Variants in ADGRA1 observed in about 807,000 individuals in gnomAD.
The protein encoded by ADGRA1 is adhesion G protein-coupled receptor A1, also known as G-protein coupled receptor 123.
ADGRA1 carries 12 observed loss-of-function variants against 21.3 expected under a neutral mutation model. The ratio of observed to expected loss-of-function variants is 0.56; its 90% CI spans 0.36 to 0.91. The LOEUF is 0.91. ADGRA1 is among the 40% of genes least tolerant of loss of function. The pLI is 0.01. For missense variants in ADGRA1, 790 were observed against 805.6 expected (o/e 0.98, Z 0.23); for synonymous variants, 385 against 368.8 (o/e 1.04, Z -0.50).
intron 5 of ADGRA1, among the ~76,000 whole-genome samples, chr10:133,111,300 C>CACAGG (rs1390771906): frequency 3.2e-5 from 2 of 62,180 alleles, no homozygotes; most frequent in East Asian, 6.2e-4. Flanking sequence ...ACCTGCCCCC[C>CACAGG]CGGGAACCAT....
At chr10:133,115,909 G>C (rs1188124470) in intron 5 of ADGRA1, among the ~76,000 whole-genome samples, 1 of 152,066 alleles carries the variant, frequency 6.6e-6, no homozygotes, top group African/African-American at 2.4e-5. Flanking sequence ...CCCCAGGGGA[G>C]AGCTGGCGCT....
intron 5 of ADGRA1, among the ~76,000 whole-genome samples, chr10:133,117,535 C>A (rs1852182307): frequency 6.6e-6 from 1 of 152,230 alleles, no homozygotes; most frequent in African/African-American, 2.4e-5. Flanking sequence ...CAGGATCAGG[C>A]CCTCACTAGC....
chr10:133,098,284 T>C (rs572898059), intron 3 of ADGRA1, among the ~76,000 whole-genome samples: 1 of 152,266 alleles, frequency 6.6e-6, no homozygotes, highest in African/African-American at 2.4e-5. Context: ...GGACACCCCA[T>C]GCTGGGACCC....
rs1276674660 is a variant in ADGRA1, at chr10:133,130,184, C to A, written c.*673C>A. Reference sequence around the variant, plus strand: ...CTGTCAGCCCTGTCCTTGTCGTAGCCCCAGCCCTGCAGGGCTGAGAGCACC... The same window carrying A: ...CTGTCAGCCCTGTCCTTGTCGTAGCACCAGCCCTGCAGGGCTGAGAGCACC... On this transcript the variant is annotated 3_prime_UTR_variant, in exon 7 of 7. Transcript: ENST00000392607. 8 of 152,362 alleles carry A rather than the reference C, an allele frequency of 5.3e-5. No homozygotes were observed. Among genetic ancestry groups the A allele is most frequent in the Non-Finnish European group, 8.8e-5 (6 of 68,160 alleles). 9.4% of individuals were successfully genotyped at this position (152,362 alleles called of 1,614,324 possible).
At chr10:133,098,305 G>T (rs1851724779) in intron 3 of ADGRA1, among the ~76,000 whole-genome samples, 1 of 152,250 alleles carries the variant, frequency 6.6e-6, no homozygotes, top group Non-Finnish European at 1.5e-5. Context: ...AGGGGGTGCG[G>T]CCTCTATCTC....
rs373118178 is a variant in ADGRA1, at chr10:133,111,927, C to T, written c.401+9085C>T. 3.3e-3 allele frequency among the ~76,000 whole-genome samples: 139 copies of T among 41,682 alleles called. 16 individuals carry two copies. The highest frequency in any genetic ancestry group is 0.018 in the East Asian group (8 of 454). 27.3% of individuals were successfully genotyped at this position (41,682 alleles called of 152,430 possible). On this transcript the variant is annotated intron_variant, in intron 5 of 6. Coordinates refer to ENST00000392607, the MANE Select transcript of ADGRA1 (RefSeq NM_001083909.3). ...TCCTAATGCCTCCAGACCACCTGCCCGCCGTGAGCACCTCCCTCCTAATCC... is the reference window on the plus strand; with the variant it reads ...TCCTAATGCCTCCAGACCACCTGCCTGCCGTGAGCACCTCCCTCCTAATCC...
At position 133,102,763 on chromosome 10, in the gene ADGRA1, A is replaced by T. The variant is rs1298187210; in HGVS notation, c.322A>T (p.Ile108Phe). 6.2e-7 allele frequency: 1 copy of T among 1,612,864 alleles called. No individual in the cohort carries two copies. ...GTGGATAGGAGTGACCGCCAGGAAC[A>T]TCTACAAGCAGGTGACCAAGAAGGC... ...MLWIGVTARN[I>F]YKQVTKKAPL... Residue 108 changes from isoleucine (I) to phenylalanine (F), a missense_variant, in exon 5 of 7, where the codon ATC (isoleucine) becomes TTC (phenylalanine). Ile to Phe is a conservative substitution (Grantham distance 21). This residue lies in a region of ADGRA1 where 382 missense variants were observed against 415.6 expected (regional missense o/e 0.92). Coordinates refer to ENST00000392607, the MANE Select transcript of ADGRA1 (RefSeq NM_001083909.3).
chr10:133,088,684 C>G (rs1851545851), intron 1 of ADGRA1, 24 bp from the exon 2 acceptor site: 1 of 1,222,124 alleles, frequency 8.2e-7, no homozygotes, highest in Non-Finnish European at 1.0e-6. Context: ...CCGCCCGCCC[C>G]GCTGACCGCC....
chr10:133,103,248 C>G (rs1330003094), intron 5 of ADGRA1, among the ~76,000 whole-genome samples: 1 of 152,180 alleles, frequency 6.6e-6, no homozygotes, highest in African/African-American at 2.4e-5. Flanking sequence ...GTGAGACCCT[C>G]TATGCCCCGC....
chr10:133,102,653 G>T (rs1441404443), intron 4 of ADGRA1, 44 bp from the exon 5 acceptor site: 2 of 1,577,660 alleles, frequency 1.3e-6, no homozygotes, highest in Admixed American at 1.7e-5. Context: ...GCTCTGGGGG[G>T]TGGGTGCCCG....
chr10:133,127,912 C>A lies in ADGRA1; in HGVS notation c.501-417C>A, dbSNP rs9419121. On this transcript the variant is annotated intron_variant, in intron 6 of 6. Coordinates refer to ENST00000392607, the MANE Select transcript of ADGRA1 (RefSeq NM_001083909.3). Reference sequence around the variant, plus strand: ...GCCCACCCCACGCTGGCCACGCCCACCAGGCTCCACCCTCTGCCTGGCCCC... The same window carrying A: ...GCCCACCCCACGCTGGCCACGCCCAACAGGCTCCACCCTCTGCCTGGCCCC... Among the ~76,000 whole-genome samples the A allele has an allele frequency of 7.8e-3, 916 of 117,488 alleles. 62 individuals are homozygous for A. The highest frequency in any genetic ancestry group is 0.03 in the African/African-American group (842 of 27,972). The allele number at this position is 117,488 out of a possible 152,430, so 77.1% of individuals were successfully genotyped here.
At chr10:133,121,891 C>T (rs940444760) in intron 5 of ADGRA1, among the ~76,000 whole-genome samples, 10 of 138,114 alleles carry the variant, frequency 7.2e-5, no homozygotes, top group African/African-American at 2.2e-4. Flanking sequence ...TGCCAGTGTG[C>T]GTGCGTGCAA....
chr10:133,124,698 C>T (rs561724542), intron 5 of ADGRA1, among the ~76,000 whole-genome samples: 1 of 152,366 alleles, frequency 6.6e-6, no homozygotes, highest in East Asian at 1.9e-4. Flanking sequence ...GGCTTGGAGC[C>T]ATAGGAGAGG....
chr10:133,106,667 G>T (rs567378015), intron 5 of ADGRA1, among the ~76,000 whole-genome samples: 1 of 152,276 alleles, frequency 6.6e-6, no homozygotes, highest in Non-Finnish European at 1.5e-5. Flanking sequence ...TCGGGGGTAC[G>T]GCAGCAGACA....
At chr10:133,106,792 C>T (rs781125461) in intron 5 of ADGRA1, among the ~76,000 whole-genome samples, 4 of 152,362 alleles carry the variant, frequency 2.6e-5, no homozygotes, top group African/African-American at 7.2e-5. Context: ...ACAGATAAAG[C>T]GGAAGGTCAT....
intron 5 of ADGRA1, among the ~76,000 whole-genome samples, chr10:133,126,966 C>T (rs1040906642): frequency 2.6e-5 from 4 of 152,166 alleles, no homozygotes; most frequent in Non-Finnish European, 5.9e-5. Flanking sequence ...AGTCCGCAGC[C>T]AACGGAGCTC....
chr10:133,118,087 A>G (rs966466375), intron 5 of ADGRA1, among the ~76,000 whole-genome samples: 1 of 152,170 alleles, frequency 6.6e-6, no homozygotes. Flanking sequence ...ACCGTCCCCA[A>G]TCAGCACTGG....
chr10:133,116,844 A>G (rs1274412431), intron 5 of ADGRA1, among the ~76,000 whole-genome samples: 1 of 152,154 alleles, frequency 6.6e-6, no homozygotes, highest in Non-Finnish European at 1.5e-5. Context: ...CGCCTCGAGC[A>G]GAGACTCCTC....
At chr10:133,106,386 C>T (rs78838896) in intron 5 of ADGRA1, among the ~76,000 whole-genome samples, 1 of 152,360 alleles carries the variant, frequency 6.6e-6, no homozygotes, top group Admixed American at 6.5e-5. Context: ...TCCTGGGAAC[C>T]CTTAGAGACC....
Sources: allele counts gnomAD v4.1 joint callset (sites outside exome capture counted in the v4.1 genomes callset), GRCh38; gene constraint gnomAD v4.1.1; regional missense constraint gnomAD v4.1.1; transcripts MANE v1.5; gene names NCBI Gene and HGNC (gene_info 2026-07-23, HGNC 2026-07-21).